The following ALAD variants were observed in gnomAD, a reference collection of about 807,000 sequenced individuals.
The protein encoded by ALAD is aminolevulinate dehydratase, also known as delta-aminolevulinic acid dehydratase.
Under a neutral mutation model 44.4 loss-of-function variants are expected in ALAD, and 20 were observed. The ratio of observed to expected loss-of-function variants is 0.45; its 90% CI spans 0.32 to 0.65. The LOEUF is 0.65. Among genes scored for constraint, ALAD ranks in the 30% least tolerant of loss-of-function variants. The pLI is 0.05. For synonymous variants in ALAD, 156 were observed against 167.9 expected (o/e 0.93, Z 0.55); for missense variants, 323 against 445.7 (o/e 0.72, Z 2.48).
rs778238328 is a variant in ALAD at position 113,390,650 on chromosome 9, G to C, written c.424C>G (p.Arg142Gly). The change falls in exon 6 of 12, where the codon CGG becomes GGG. Residue 142 changes from arginine to glycine, a missense_variant. By Grantham distance (125) the Arg-to-Gly change is moderately radical. Coordinates refer to ENST00000409155, the MANE Select transcript of ALAD (RefSeq NM_000031.6). Reference sequence around the variant, plus strand: ...AGCCGCTGGCGGCTCTCCTCAGCCCGGAATGCTCCGTTTTCACTCAGGAGC... The same window carrying C: ...AGCCGCTGGCGGCTCTCCTCAGCCCCGAATGCTCCGTTTTCACTCAGGAGC... ...CGLLSENGAF[R>G]AEESRQRLAE... 1 of 1,613,984 alleles carries C rather than the reference G, an allele frequency of 6.2e-7. No individual in the cohort carries two copies. The highest frequency in any genetic ancestry group is 8.5e-7 in the Non-Finnish European group (1 of 1,179,986).
intron 11 of ALAD, 85 bp from the exon 12 acceptor site, chr9:113,388,446 G>GTTCTAGTGATTCCTCTGCCTCAGCCTCCC: frequency 7.8e-7 from 1 of 1,289,608 alleles, no homozygotes. Context: ...GCCAGGCGGG[G>GTTCTAGTGATTCCTCTGCCTCAGCCTCCC]AAGAAGGCTA....
At chr9:113,392,335 C>A in intron 2 of ALAD, 166 bp from the exon 3 acceptor site, 1 of 1,524,896 alleles carries the variant, frequency 6.6e-7, no homozygotes, top group Non-Finnish European at 8.8e-7. Context: ...AAGCCCAGGG[C>A]CTGAAATAAT....
chr9:113,392,268 G>T, intron 2 of ALAD, 99 bp from the exon 3 acceptor site: 1 of 1,602,358 alleles, frequency 6.2e-7, no homozygotes. Flanking sequence ...AAAGAAATAT[G>T]GAAGTGGAGA....
intron 4 of ALAD, among the ~76,000 whole-genome samples, chr9:113,391,165 G>T (rs1290231418): frequency 6.6e-6 from 1 of 152,200 alleles, no homozygotes; most frequent in Non-Finnish European, 1.5e-5. Flanking sequence ...GGTGCAGTCA[G>T]TGTGGACCCT....
At position 113,389,598 on chromosome 9, in the gene ALAD, C is replaced by G; in HGVS notation, c.714+1G>C. On this transcript the variant is annotated splice_donor_variant, in intron 9 of 11. Transcript: ENST00000409155. LOFTEE classifies it high-confidence loss of function. ...GTGGGGCTCAAGTCCTAGTCACTCA[C>G]CACAGCTCGGAGAGCCAGGCCTCGT... 1 of 1,614,164 alleles carries G rather than the reference C, an allele frequency of 6.2e-7. No homozygotes were observed. The highest frequency in any genetic ancestry group is 8.5e-7 in the Non-Finnish European group (1 of 1,180,038).
chr9:113,389,201 A>G lies in ALAD; in HGVS notation c.802-95T>C. On this transcript the variant is annotated intron_variant, in intron 10 of 11. Coordinates refer to ENST00000409155, the MANE Select transcript of ALAD (RefSeq NM_000031.6). Reference sequence around the variant, plus strand: ...CCCTGCTCAATCTGTGACCATCTTGAGCCCCGTGTCCTGGGTTACTGCGGC... The same window carrying G: ...CCCTGCTCAATCTGTGACCATCTTGGGCCCCGTGTCCTGGGTTACTGCGGC... 2.6e-6 allele frequency: 4 copies of G among 1,557,174 alleles called. No homozygotes were observed. The South Asian group carries it at 4.6e-5, about 18-fold the overall frequency.
chr9:113,387,697 T>G lies in ALAD; in HGVS notation c.*603A>C, dbSNP rs1827437081. ...GGAACTCCCTCTTTGCCTCTGAGTTTTGATCCTCAGGCAGTATTTATGCTG... is the reference window on the plus strand; with the variant it reads ...GGAACTCCCTCTTTGCCTCTGAGTTGTGATCCTCAGGCAGTATTTATGCTG... On this transcript the variant is annotated 3_prime_UTR_variant, in exon 12 of 12. Coordinates refer to ENST00000409155, the MANE Select transcript of ALAD (RefSeq NM_000031.6). The G allele has an allele frequency of 6.2e-6, 1 of 161,420 alleles. No homozygotes were observed. Among genetic ancestry groups the G allele is most frequent in the South Asian group, 1.7e-4 (1 of 5,936 alleles). 10.0% of individuals were successfully genotyped at this position (161,420 alleles called of 1,614,324 possible). A position where few individuals can be genotyped will look rare whatever the true frequency, so the allele number is the denominator to read the frequency against.
rs144608303 is a variant in ALAD at position 113,393,545 on chromosome 9, G to A, written c.15C>T (p.Ser5=). Residue 5 remains serine (S), a synonymous_variant, in exon 2 of 12, where the codon TCC becomes TCT. Transcript: ENST00000409155. ...GGTGGAAGTAGCCGCTGTGCAGAAC[G>A]GACTGGGGCTGCATGGCGTGGGCCA... The part of the protein sequence containing the change: MQPQ[S]VLHSGYFHPL... The A allele has an allele frequency of 3.6e-4, 581 of 1,613,558 alleles. 1 individual carries two copies. The African/African-American group carries it at 6.6e-3, about 18-fold the overall frequency.
In ALAD at chr9:113,388,254, C is replaced by T. The variant is rs377113920; in HGVS notation, c.*46G>A. On this transcript the variant is annotated 3_prime_UTR_variant, in exon 12 of 12. Transcript: ENST00000409155. ...TTTGGTTTTCACTTGTCTGAGGCCC[C>T]GGGAACGTTTTAAAGTTCTAGTTCT... is the stretch of plus-strand genomic sequence containing the variant. 37 of 1,599,164 alleles carry T rather than the reference C, an allele frequency of 2.3e-5. No homozygotes were observed. In the Middle Eastern group the frequency reaches 5.0e-4, roughly 22 times the overall value.
At position 113,390,590 on chromosome 9, in the gene ALAD, C is replaced by A. The variant is rs1226272591; in HGVS notation, c.481+3G>T. ...TGCCCATCCCTGCTGGTGGTTCACT[C>A]ACCTGCCTTGGCATACGCCAATGCC... On this transcript the variant is annotated splice_donor_region_variant and intron_variant, in intron 6 of 11. Coordinates refer to ENST00000409155, the MANE Select transcript of ALAD (RefSeq NM_000031.6). 6 of 1,613,934 alleles carry A rather than the reference C, an allele frequency of 3.7e-6. No homozygotes were observed. The East Asian group carries it at 8.9e-5, about 24-fold the overall frequency.
Position 113,389,823 on chromosome 9 carries a change from C to T in ALAD, c.576G>A (p.Ser192=), listed in dbSNP as rs753037931. The change falls in exon 8 of 12, where the codon TCG becomes TCA. Residue 192 remains serine, a synonymous_variant. Transcript: ENST00000409155. ...CAAATTTGGCACTGTAGCTCATCAC[C>T]GATACCTATGGGGAGACAATGGAGG... ...LMAHGLGNRV[S]VMSYSAKFAS... 1.2e-5 allele frequency: 19 copies of T among 1,614,120 alleles called. No homozygotes were observed. Among genetic ancestry groups the T allele is most frequent in the South Asian group, 4.4e-5 (4 of 91,090 alleles).
Position 113,393,428 on chromosome 9 carries a change from C to G in ALAD, c.113+19G>C. 7.2e-7 allele frequency: 1 copy of G among 1,388,070 alleles called. No individual in the cohort carries two copies. The highest frequency in any genetic ancestry group is 1.0e-6 in the Non-Finnish European group (1 of 987,388). The allele number at this position is 1,388,070 out of a possible 1,614,324, so 86.0% of individuals were successfully genotyped here. ...CCCAACCAGCAGAGCAGAGGCCTGG[C>G]CCATTCTTGGAGACTCACGTGACAA... On this transcript the variant is annotated intron_variant, in intron 2 of 11. Transcript: ENST00000409155.
At chr9:113,393,389 T>TG in intron 2 of ALAD, 58 bp downstream of exon 2, 29 of 1,271,410 alleles carry the variant, frequency 2.3e-5, no homozygotes, top group Non-Finnish European at 3.0e-5. Flanking sequence ...CAACACTCCC[T>TG]CCCCAACCCC....
intron 2 of ALAD, 48 bp from the exon 3 acceptor site, chr9:113,392,217 A>T: frequency 1.9e-6 from 3 of 1,613,538 alleles, no homozygotes; most frequent in Non-Finnish European, 2.5e-6. Context: ...GGGAAGGGCC[A>T]GTGGTGCGGG....
intron 7 of ALAD, among the ~76,000 whole-genome samples, 199 bp from the exon 8 acceptor site, chr9:113,390,027 T>G (rs1827524872): frequency 6.7e-6 from 1 of 150,242 alleles, no homozygotes; most frequent in Non-Finnish European, 1.5e-5. Flanking sequence ...CTGTCTTCAG[T>G]TCTGTGATTC....
Position 113,392,296 on chromosome 9 carries a change from G to A in ALAD, c.114-127C>T, listed in dbSNP as rs781176691. 3 of 1,580,610 alleles carry A rather than the reference G, an allele frequency of 1.9e-6. No homozygotes were observed. The African/African-American group carries it at 4.0e-5, about 21-fold the overall frequency. ...AGTGGAGATGGTGGGAGGAGGATGGGATCCAGTGTCTGGCTTCCCTGCCTG... is the reference window on the plus strand; with the variant it reads ...AGTGGAGATGGTGGGAGGAGGATGGAATCCAGTGTCTGGCTTCCCTGCCTG... On this transcript the variant is annotated intron_variant, in intron 2 of 11. Transcript: ENST00000409155.
chr9:113,393,631 C>G lies in ALAD; in HGVS notation c.-72G>C. 2 of 1,298,982 alleles carry G rather than the reference C, an allele frequency of 1.5e-6. No individual in the cohort carries two copies. Among genetic ancestry groups the G allele is most frequent in the Non-Finnish European group, 2.2e-6 (2 of 896,206 alleles). 80.5% of individuals were successfully genotyped at this position (1,298,982 alleles called of 1,614,324 possible). A position where few individuals can be genotyped will look rare whatever the true frequency, so the allele number is the denominator to read the frequency against. The stretch of plus-strand genomic sequence containing the variant: ...GCTCCTGGGGCATTGGCTGCAGGCT[C>G]TGTCTGTGGGGGGTGATGGGTGGCA... On this transcript the variant is annotated 5_prime_UTR_variant, in exon 2 of 12. Transcript: ENST00000409155.
chr9:113,401,123 G>A (rs1482066842), intron 1 of ALAD, 89 bp downstream of exon 1: 1 of 152,388 alleles, frequency 6.6e-6, no homozygotes, highest in Non-Finnish European at 1.5e-5. Flanking sequence ...CACAATCTGG[G>A]GACGCAGGAC....
chr9:113,392,310 C>T (rs1588084832), intron 2 of ALAD, 141 bp from the exon 3 acceptor site: 1 of 1,565,268 alleles, frequency 6.4e-7, no homozygotes. Context: ...CAGTGTCTGG[C>T]TTCCCTGCCT....
Sources: gnomAD v4.1 joint callset for allele counts (sites outside exome capture counted in the v4.1 genomes callset) on GRCh38, gnomAD v4.1.1 for gene constraint, MANE v1.5 for transcripts, NCBI Gene and HGNC (gene_info 2026-07-23, HGNC 2026-07-21) for gene names.